PCNX2: variants seen among roughly 807,000 people sequenced by gnomAD.
The protein encoded by PCNX2 is pecanex-like protein 2.
A neutral mutation model predicts 223.8 loss-of-function variants in PCNX2; 168 were observed. The ratio of observed to expected loss-of-function variants is 0.75; its 90% CI spans 0.66 to 0.85. The LOEUF (loss-of-function observed/expected upper bound fraction) is 0.85, where lower values mean the gene tolerates loss of function less well. PCNX2 is among the 40% of genes least tolerant of loss of function. PCNX2 has a pLI of 0.00. For missense variants in PCNX2, 2,507 were observed against 2,675.5 expected (o/e 0.94, Z 1.39); for synonymous variants, 1,006 against 1,052.6 (o/e 0.96, Z 0.86).
intron 14 of PCNX2, among the ~76,000 whole-genome samples, chr1:233,199,306 C>T (rs1680918897): frequency 6.6e-6 from 1 of 152,026 alleles, no homozygotes; most frequent in South Asian, 2.1e-4. Context: ...GGTAGGGAGA[C>T]CTCATGGCTT....
At position 232,992,424 on chromosome 1, in the gene PCNX2, A is replaced by C. The variant is rs541025893; in HGVS notation, c.5791+5827T>G. ...GCCAGCCAGGGGACAGGACAAAGTCATGCTGGGCAGAGACATGCCAGCTGC... is the reference window on the plus strand; with the variant it reads ...GCCAGCCAGGGGACAGGACAAAGTCCTGCTGGGCAGAGACATGCCAGCTGC... On this transcript the variant is annotated intron_variant, in intron 32 of 33. Coordinates refer to ENST00000258229, the MANE Select transcript of PCNX2 (RefSeq NM_014801.4). Among the ~76,000 whole-genome samples the C allele has an allele frequency of 2.2e-4, 33 of 152,346 alleles. No individual in the cohort carries two copies. In the South Asian group the frequency reaches 6.4e-3, roughly 30 times the overall value.
At chr1:233,309,742 G>A in the PCNX2 span, among the ~76,000 whole-genome samples, 380 of 151,926 alleles carry the variant, frequency 2.5e-3, 5 homozygotes, top group Admixed American at 0.018. Context: ...GACAGGCATG[G>A]TGGTGGGCGC....
rs1173163046 is a variant in PCNX2, at chr1:233,223,785, A to G, written c.2504+3441T>C. Among the ~76,000 whole-genome samples the G allele has an allele frequency of 2.0e-5, 3 of 152,204 alleles. No homozygotes were observed. In the East Asian group the frequency reaches 5.8e-4, roughly 29 times the overall value. ...GACAGGATTTTTAAGGATGAGAGCT[A>G]TAAGTGTGTGTTCTCATGGTAACTG... is the stretch of plus-strand genomic sequence containing the variant. On this transcript the variant is annotated intron_variant, in intron 10 of 33. Transcript: ENST00000258229.
At position 233,225,110 on chromosome 1, in the gene PCNX2, T is replaced by TAA. The variant is rs71173259; in HGVS notation, c.2504+2114_2504+2115dup. ...CTGCACATGTATCCCAGAACTAAAGTAAAAAAAAAAAAAAAAAAAAAAAAA... is the reference window on the plus strand; with the variant it reads ...CTGCACATGTATCCCAGAACTAAAGTAAAAAAAAAAAAAAAAAAAAAAAAAAA... On this transcript the variant is annotated intron_variant, in intron 10 of 33. Transcript: ENST00000258229. 5.4e-3 allele frequency among the ~76,000 whole-genome samples: 230 copies of TAA among 42,212 alleles called. 3 individuals are homozygous for TAA. The highest frequency in any genetic ancestry group is 0.011 in the South Asian group (11 of 984). 27.7% of individuals were successfully genotyped at this position (42,212 alleles called of 152,430 possible).
rs1413665446 is a variant in PCNX2, at chr1:233,253,504, C to T, written c.1835-716G>A. ...GGATGACAGGCACATGCCACTACAT[C>T]CAGCTAATTTTTTAAATTTTATGTA... On this transcript the variant is annotated intron_variant, in intron 5 of 33. Coordinates refer to ENST00000258229, the MANE Select transcript of PCNX2 (RefSeq NM_014801.4). This position sits in a 1 kb window ranked among gnomAD's most constrained non-coding sequence, Gnocchi z 4.2. 6.6e-6 allele frequency among the ~76,000 whole-genome samples: 1 copy of T among 152,142 alleles called. No homozygotes were observed. The highest frequency in any genetic ancestry group is 1.5e-5 in the Non-Finnish European group (1 of 68,040).
intron 8 of PCNX2, among the ~76,000 whole-genome samples, chr1:233,246,643 A>G (rs1385104662): frequency 6.6e-6 from 1 of 152,214 alleles, no homozygotes; most frequent in Non-Finnish European, 1.5e-5. Context: ...CAGGGCCACG[A>G]ACTGCCATAA....
chr1:233,060,308 A>G (rs905553097), intron 23 of PCNX2, among the ~76,000 whole-genome samples: 2 of 152,242 alleles, frequency 1.3e-5, no homozygotes, highest in African/African-American at 4.8e-5. Context: ...CCACAAATGG[A>G]ATTTTCAAGC....
intron 1 of PCNX2, among the ~76,000 whole-genome samples, chr1:233,267,684 C>T (rs1660412423): frequency 1.3e-5 from 2 of 152,144 alleles, no homozygotes; most frequent in African/African-American, 2.4e-5. Flanking sequence ...CACACTGTAG[C>T]CTGTGTCAGA....
At position 233,090,544 on chromosome 1, in the gene PCNX2, G is replaced by A. The variant is rs548705229; in HGVS notation, c.3947-354C>T. On this transcript the variant is annotated intron_variant, in intron 22 of 33. Transcript: ENST00000258229. The stretch of plus-strand genomic sequence containing the variant: ...GGTACATTTGCTAAAGTATCAAGTA[G>A]CTTTGTAAATAATTAATATTAGATG... Among the ~76,000 whole-genome samples the A allele has an allele frequency of 3.3e-5, 5 of 152,278 alleles. No individual in the cohort carries two copies. In the South Asian group the frequency reaches 1.0e-3, roughly 32 times the overall value.
chr1:233,247,991 A>G (rs10489806), intron 8 of PCNX2, among the ~76,000 whole-genome samples: 8,464 of 152,200 alleles, frequency 0.056, 323 homozygotes, highest in Middle Eastern at 0.088. Flanking sequence ...AAGAGCAGAT[A>G]GTCAAAGACC....
chr1:233,114,042 C>G (rs1259669777), intron 21 of PCNX2, among the ~76,000 whole-genome samples: 2 of 152,096 alleles, frequency 1.3e-5, no homozygotes, highest in Non-Finnish European at 2.9e-5. Flanking sequence ...CTTCAAGGAA[C>G]TTAATAATAG....
intron 18 of PCNX2, 86 bp downstream of exon 18, chr1:233,161,185 C>T (rs41315603): frequency 0.018 from 22,876 of 1,266,512 alleles, 307 homozygotes; most frequent in South Asian, 0.037. Flanking sequence ...GCTCACGTGT[C>T]TTGTCAATAC....
At chr1:233,150,533 T>C (rs925408527) in intron 19 of PCNX2, among the ~76,000 whole-genome samples, 22 of 152,180 alleles carry the variant, frequency 1.4e-4, no homozygotes, top group African/African-American at 4.8e-4. Flanking sequence ...AATTAGTGGG[T>C]TTTTACTTTG....
chr1:233,235,176 T>C (rs987191534), intron 9 of PCNX2, among the ~76,000 whole-genome samples: 1 of 152,034 alleles, frequency 6.6e-6, no homozygotes, highest in Non-Finnish European at 1.5e-5. Flanking sequence ...AGAGCCTGAA[T>C]ACATGAAAGG....
Position 233,022,136 on chromosome 1 carries a change from T to C in PCNX2, c.4605+3010A>G, listed in dbSNP as rs375328826. Among the ~76,000 whole-genome samples the C allele has an allele frequency of 2.0e-4, 30 of 152,224 alleles. No individual in the cohort carries two copies. In the South Asian group the frequency reaches 5.4e-3, roughly 27 times the overall value. ...TGTCTGGCTCATGGAAAGGCAGGGATGTGGCTCAGTATTGAACCCCAGTCC... is the reference window on the plus strand; with the variant it reads ...TGTCTGGCTCATGGAAAGGCAGGGACGTGGCTCAGTATTGAACCCCAGTCC... On this transcript the variant is annotated intron_variant, in intron 26 of 33. Transcript: ENST00000258229.
chr1:233,235,633 G>A (rs1231093950), intron 9 of PCNX2, among the ~76,000 whole-genome samples: 9 of 151,136 alleles, frequency 6.0e-5, no homozygotes, highest in South Asian at 2.1e-4. Context: ...ACAGAGTCTC[G>A]CTCTGTTGCC....
the PCNX2 span, among the ~76,000 whole-genome samples, chr1:233,310,305 T>G: frequency 6.6e-6 from 1 of 152,196 alleles, no homozygotes; most frequent in African/African-American, 2.4e-5. Context: ...ATGAAATATC[T>G]GATGTATCTT....
At chr1:233,291,258 A>G (rs1261267331) in intron 1 of PCNX2, 1 of 256,514 alleles carries the variant, frequency 3.9e-6, no homozygotes, top group African/African-American at 2.3e-5. Context: ...CATTTTACAG[A>G]TGATTAAACT....
At position 233,014,655 on chromosome 1, in the gene PCNX2, C is replaced by G; in HGVS notation, c.4952+10G>C. On this transcript the variant is annotated intron_variant, in intron 28 of 33. Coordinates refer to ENST00000258229, the MANE Select transcript of PCNX2 (RefSeq NM_014801.4). The stretch of plus-strand genomic sequence containing the variant: ...GTACCTAAGAGATTCTAACTTCTCC[C>G]CCCAGGTACCTGATGGCCATATTGT... The G allele has an allele frequency of 6.2e-7, 1 of 1,610,064 alleles. No individual in the cohort carries two copies. Among genetic ancestry groups the G allele is most frequent in the Non-Finnish European group, 8.5e-7 (1 of 1,176,406 alleles).
Sources: gnomAD v4.1 joint callset for allele counts (sites outside exome capture counted in the v4.1 genomes callset) on GRCh38, gnomAD v4.1.1 for gene constraint, Gnocchi (gnomAD v3.1) non-coding constraint, MANE v1.5 for transcripts, NCBI Gene and HGNC (gene_info 2026-07-23, HGNC 2026-07-21) for gene names.